The following LRP1B variants were observed in gnomAD, a reference collection of about 807,000 sequenced individuals.
The protein encoded by LRP1B is LDL receptor related protein 1B, also known as low-density lipoprotein receptor-related protein 1B.
LRP1B carries 217 observed loss-of-function variants against 556.6 expected under a neutral mutation model. The ratio of observed to expected loss-of-function variants is 0.39; its 90% CI spans 0.35 to 0.44. The LOEUF (loss-of-function observed/expected upper bound fraction) is 0.44. LRP1B is among the 20% of genes least tolerant of loss of function. The pLI, the probability that LRP1B is intolerant of heterozygous loss-of-function variation, is 1.00. For missense variants in LRP1B, 5,053 were observed against 5,620.8 expected (o/e 0.90, Z 3.23); for synonymous variants, 2,047 against 1,865.8 (o/e 1.10, Z -2.50).
chr2:140,304,552 G>A (rs570657037), intron 83 of LRP1B, among the ~76,000 whole-genome samples: 5 of 152,072 alleles, frequency 3.3e-5, no homozygotes, highest in Non-Finnish European at 7.4e-5. Flanking sequence ...ATTGTGGATT[G>A]TAGCACTTTG....
chr2:142,117,974 A>G (rs1395929009), intron 1 of LRP1B, among the ~76,000 whole-genome samples: 1 of 152,164 alleles, frequency 6.6e-6, no homozygotes, highest in African/African-American at 2.4e-5. Flanking sequence ...CATGATGAGC[A>G]TAGAAATTTA....
At chr2:141,734,006 G>A (rs563694928) in intron 2 of LRP1B, among the ~76,000 whole-genome samples, 1 of 151,942 alleles carries the variant, frequency 6.6e-6, no homozygotes, top group East Asian at 1.9e-4. Flanking sequence ...CATCTTTATA[G>A]TCTCATACCT....
At chr2:140,291,320 T>TATATGTATATATA (rs745524571) in intron 84 of LRP1B, among the ~76,000 whole-genome samples, 1 of 51,854 alleles carries the variant, frequency 1.9e-5, no homozygotes, top group Non-Finnish European at 3.9e-5. Context: ...ATATATATAT[T>TATATGTATATATA]TTTATTATAC....
At chr2:141,644,747 A>ACACACACG (rs1689486122) in intron 2 of LRP1B, among the ~76,000 whole-genome samples, 1 of 148,648 alleles carries the variant, frequency 6.7e-6, no homozygotes, top group African/African-American at 2.5e-5. Context: ...ACACACACAC[A>ACACACACG]CACACACACA....
At chr2:140,621,787 T>C (rs1683466376) in intron 41 of LRP1B, among the ~76,000 whole-genome samples, 1 of 152,162 alleles carries the variant, frequency 6.6e-6, no homozygotes. Flanking sequence ...CCAAACACCA[T>C]CTATCACTTT....
chr2:141,539,224 A>T (rs1284434086), intron 2 of LRP1B, among the ~76,000 whole-genome samples: 2 of 152,120 alleles, frequency 1.3e-5, no homozygotes, highest in Admixed American at 6.6e-5. Flanking sequence ...AGATTTAAGG[A>T]TGTATATAGT....
At chr2:140,295,125 G>C (rs1200511757) in intron 84 of LRP1B, among the ~76,000 whole-genome samples, 1 of 152,008 alleles carries the variant, frequency 6.6e-6, no homozygotes, top group Non-Finnish European at 1.5e-5. Context: ...TGATCCGCGG[G>C]CCTCAGCCTC....
At chr2:140,543,673 G>A (rs958331285) in intron 43 of LRP1B, among the ~76,000 whole-genome samples, 7 of 151,500 alleles carry the variant, frequency 4.6e-5, no homozygotes, top group Non-Finnish European at 7.4e-5. Context: ...AGTATAATAA[G>A]GCAAAAATAA....
At chr2:141,107,575 G>C (rs774765408) in intron 7 of LRP1B, among the ~76,000 whole-genome samples, 1 of 152,240 alleles carries the variant, frequency 6.6e-6, no homozygotes, top group East Asian at 1.9e-4. Flanking sequence ...GAACCCAGAA[G>C]GTGGAGGTTG....
intron 6 of LRP1B, among the ~76,000 whole-genome samples, chr2:141,210,980 T>C (rs1307643827): frequency 6.6e-6 from 1 of 152,094 alleles, no homozygotes; most frequent in Non-Finnish European, 1.5e-5. Context: ...GGTTTATTTT[T>C]TCATTTTTCC....
At chr2:141,434,074 T>C (rs1680667462) in intron 3 of LRP1B, among the ~76,000 whole-genome samples, 1 of 152,016 alleles carries the variant, frequency 6.6e-6, no homozygotes, top group South Asian at 2.1e-4. Flanking sequence ...AGTGTGGTTC[T>C]CTTTGCATTT....
At position 140,487,756 on chromosome 2, in the gene LRP1B, C is replaced by T; in HGVS notation, c.9121-17G>A. ...GTTTAATCCCTGAAAATAAAAAAGA[C>T]TATGTTGTCAATGATAGTTCATAGA... On this transcript the variant is annotated splice_polypyrimidine_tract_variant and intron_variant, in intron 57 of 90. Coordinates refer to ENST00000389484, the MANE Select transcript of LRP1B (RefSeq NM_018557.3). 1.4e-6 allele frequency: 2 copies of T among 1,473,602 alleles called. No individual in the cohort carries two copies. Among genetic ancestry groups the T allele is most frequent in the Non-Finnish European group, 1.9e-6 (2 of 1,075,388 alleles). The allele number at this position is 1,473,602 out of a possible 1,614,324, so 91.3% of individuals were successfully genotyped here. A position where few individuals can be genotyped will look rare whatever the true frequency, so the allele number is the denominator to read the frequency against.
chr2:140,652,633 C>G (rs1028151695), intron 41 of LRP1B, among the ~76,000 whole-genome samples: 36 of 151,782 alleles, frequency 2.4e-4, no homozygotes, highest in Non-Finnish European at 4.4e-5. Flanking sequence ...GAGTTTTGAG[C>G]GACAAAGATT....
intron 41 of LRP1B, among the ~76,000 whole-genome samples, chr2:140,686,111 T>G (rs757370566): frequency 1.3e-5 from 2 of 152,052 alleles, no homozygotes; most frequent in Non-Finnish European, 2.9e-5. Flanking sequence ...AGTAAACATG[T>G]GGTTAAGAAA....
At chr2:141,246,495 C>T (rs907212300) in intron 5 of LRP1B, among the ~76,000 whole-genome samples, 9 of 152,212 alleles carry the variant, frequency 5.9e-5, no homozygotes, top group African/African-American at 1.9e-4. Context: ...AAGAACAACA[C>T]GATTTGGTTT....
At chr2:140,506,649 T>C (rs1181770818) in intron 53 of LRP1B, 147 bp downstream of exon 53, 2 of 717,830 alleles carry the variant, frequency 2.8e-6, no homozygotes, top group African/African-American at 1.8e-5. Flanking sequence ...ATAAGTTATA[T>C]GTGCTGTGAT....
intron 35 of LRP1B, among the ~76,000 whole-genome samples, chr2:140,758,341 A>C (rs1414814346): frequency 6.6e-6 from 1 of 152,086 alleles, no homozygotes; most frequent in African/African-American, 2.4e-5. Flanking sequence ...TGTATTTAAA[A>C]AATAGCATGA....
At position 140,440,087 on chromosome 2, in the gene LRP1B, T is replaced by G. The variant is rs80355753; in HGVS notation, c.10414+2417A>C. Among the ~76,000 whole-genome samples, 1,057 of 152,242 alleles carry G rather than the reference T, an allele frequency of 6.9e-3. 10 individuals carry two copies. The highest frequency in any genetic ancestry group is 0.01 in the Middle Eastern group (3 of 294). On this transcript the variant is annotated intron_variant, in intron 66 of 90. Transcript: ENST00000389484. ...GTAGAACAAACTACAATGTTCGGAC[T>G]TTAGAAATGAAATATCCAACTGATA...
At chr2:141,854,407 T>G (rs555790008) in intron 1 of LRP1B, among the ~76,000 whole-genome samples, 1 of 152,142 alleles carries the variant, frequency 6.6e-6, no homozygotes, top group African/African-American at 2.4e-5. Flanking sequence ...ATGTGACAAT[T>G]TATTCTTAAT....
Sources: allele counts gnomAD v4.1 joint callset (sites outside exome capture counted in the v4.1 genomes callset), GRCh38; gene constraint gnomAD v4.1.1; transcripts MANE v1.5; gene names NCBI Gene and HGNC (gene_info 2026-07-23, HGNC 2026-07-21).